Variants in SHISA9 observed in about 807,000 individuals in gnomAD.
SHISA9 encodes the protein shisa family member 9, also known as protein shisa-9.
Under a neutral mutation model 38.0 loss-of-function variants are expected in SHISA9, and 13 were observed. The observed-to-expected ratio is 0.34, with a 90% CI of 0.22 to 0.54. The LOEUF (loss-of-function observed/expected upper bound fraction) is 0.54, where lower values mean the gene tolerates loss of function less well. Ranked by LOEUF, SHISA9 falls within the 20% of genes least tolerant of loss-of-function variation. The pLI is 0.91. For synonymous variants in SHISA9, 275 were observed against 242.0 expected, an observed-to-expected ratio of 1.14 and a Z score of -1.27; for missense variants, 538 against 575.8, an observed-to-expected ratio of 0.93 and a Z score of 0.67.
intron 2 of SHISA9, among the ~76,000 whole-genome samples, chr16:13,042,342 C>G (rs1305033458): frequency 6.6e-6 from 1 of 152,190 alleles, no homozygotes; most frequent in Non-Finnish European, 1.5e-5. Flanking sequence ...TTTGTACCTT[C>G]AGGAGCTAGT....
At chr16:13,382,747 A>C in the SHISA9 span, among the ~76,000 whole-genome samples, 2 of 150,664 alleles carry the variant, frequency 1.3e-5, no homozygotes, top group Non-Finnish European at 2.9e-5. Flanking sequence ...AATCCCAGCT[A>C]CTCGGGAGGC....
At chr16:13,015,907 T>TTTCTTTCTTTCC (rs1401124062) in intron 2 of SHISA9, among the ~76,000 whole-genome samples, 1 of 61,644 alleles carries the variant, frequency 1.6e-5, no homozygotes, top group Non-Finnish European at 4.2e-5. Context: ...TCTTTCTTTC[T>TTTCTTTCTTTCC]TTTCTTTCTT....
intron 2 of SHISA9, among the ~76,000 whole-genome samples, chr16:13,093,477 C>T (rs565728845): frequency 1.2e-3 from 182 of 152,240 alleles, no homozygotes; most frequent in Non-Finnish European, 1.9e-3. Context: ...TGAACACTGG[C>T]TGTCATGGAT....
chr16:13,235,020 C>G lies in SHISA9; in HGVS notation c.896-10C>G. The G allele has an allele frequency of 6.5e-7, 1 of 1,534,240 alleles. No homozygotes were observed. Among genetic ancestry groups the G allele is most frequent in the Non-Finnish European group, 8.8e-7 (1 of 1,135,662 alleles). ...CTTCCCCTTCTTCATCCACCCGTTCCGATGTGTAGCTGACAAGGTCAATGA... is the reference window on the plus strand; with the variant it reads ...CTTCCCCTTCTTCATCCACCCGTTCGGATGTGTAGCTGACAAGGTCAATGA... On this transcript the variant is annotated splice_polypyrimidine_tract_variant and intron_variant, in intron 4 of 4. Coordinates refer to ENST00000558583, the MANE Select transcript of SHISA9 (RefSeq NM_001145204.3).
chr16:13,045,561 C>T (rs956039619), intron 2 of SHISA9, among the ~76,000 whole-genome samples: 7 of 148,572 alleles, frequency 4.7e-5, no homozygotes, highest in East Asian at 2.1e-4. Flanking sequence ...CAATGGTACA[C>T]GGTAAATCTC....
chr16:13,082,585 G>A (rs1201035795), intron 2 of SHISA9: 6 of 152,208 alleles, frequency 3.9e-5, no homozygotes, highest in Non-Finnish European at 2.9e-5. Context: ...TGGGATCAGT[G>A]TCTGGGAGAT....
chr16:13,407,041 C>T, the SHISA9 span, among the ~76,000 whole-genome samples: 1 of 136,838 alleles, frequency 7.3e-6, no homozygotes, highest in African/African-American at 2.9e-5. Flanking sequence ...GCATGCCAGC[C>T]TGGGCAACAA....
At chr16:13,395,646 C>T in the SHISA9 span, among the ~76,000 whole-genome samples, 4 of 152,220 alleles carry the variant, frequency 2.6e-5, no homozygotes, top group Admixed American at 6.5e-5. Flanking sequence ...TTCTGTCTTT[C>T]CTGGTAGACC....
At chr16:13,282,469 G>A in the SHISA9 span, among the ~76,000 whole-genome samples, 6 of 151,946 alleles carry the variant, frequency 3.9e-5, no homozygotes, top group East Asian at 3.9e-4. Context: ...TAGTTCCTGA[G>A]TGTGGTTATA....
At position 12,924,701 on chromosome 16, in the gene SHISA9, G is replaced by A. The variant is rs139312591; in HGVS notation, c.691+7886G>A. ...AATGAGTTTGATTGTTTTAGATCAA[G>A]AAATTGGTTTTTCTCTTGAGGTATG... On this transcript the variant is annotated intron_variant, in intron 2 of 4. Transcript: ENST00000558583. Among the ~76,000 whole-genome samples, 440 of 152,276 alleles carry A rather than the reference G, an allele frequency of 2.9e-3. 2 individuals are homozygous for A. The highest frequency in any genetic ancestry group is 0.01 in the African/African-American group (419 of 41,554).
chr16:13,127,286 GAGAT>G (rs1425206568), intron 2 of SHISA9, among the ~76,000 whole-genome samples: 2 of 139,140 alleles, frequency 1.4e-5, no homozygotes, highest in African/African-American at 5.4e-5. Context: ...GGGAGAGAAA[GAGAT>G]GGAGGGAGAG....
intron 2 of SHISA9, among the ~76,000 whole-genome samples, chr16:13,160,026 A>T (rs966146420): frequency 6.6e-6 from 1 of 152,250 alleles, no homozygotes; most frequent in Admixed American, 6.5e-5. Context: ...AAATAATTCT[A>T]TATTGCTATG....
At chr16:13,379,245 C>G in the SHISA9 span, among the ~76,000 whole-genome samples, 45 of 152,276 alleles carry the variant, frequency 3.0e-4, no homozygotes, top group African/African-American at 1.1e-3. Flanking sequence ...GAGTTCACTC[C>G]AAGTTCACAT....
the SHISA9 span, among the ~76,000 whole-genome samples, chr16:13,274,417 C>G: frequency 6.6e-6 from 1 of 152,078 alleles, no homozygotes; most frequent in Non-Finnish European, 1.5e-5. Context: ...GCTAATACAA[C>G]TCTTGAAAAA....
At chr16:13,554,349 G>A in the SHISA9 span, among the ~76,000 whole-genome samples, 4 of 150,916 alleles carry the variant, frequency 2.7e-5, no homozygotes, top group Admixed American at 1.3e-4. Flanking sequence ...TACAGGGAAG[G>A]GCATGGGGAT....
At chr16:13,523,612 CAA>C in the SHISA9 span, among the ~76,000 whole-genome samples, 3 of 152,148 alleles carry the variant, frequency 2.0e-5, no homozygotes, top group Admixed American at 6.5e-5. Flanking sequence ...CAGGAGCAAA[CAA>C]GAGCGATGGG....
the SHISA9 span, chr16:13,331,284 C>A: frequency 6.6e-6 from 1 of 151,778 alleles, no homozygotes; most frequent in Admixed American, 6.6e-5. Flanking sequence ...TCTGGGGGTT[C>A]CTGAAGGTTA....
the SHISA9 span, among the ~76,000 whole-genome samples, chr16:13,446,743 G>C: frequency 2.6e-5 from 4 of 152,042 alleles, no homozygotes; most frequent in Non-Finnish European, 4.4e-5. Flanking sequence ...TTGGGAGGCC[G>C]AGGCGGGTGG....
the SHISA9 span, among the ~76,000 whole-genome samples, chr16:13,314,307 G>A: frequency 3.7e-3 from 565 of 151,650 alleles, 4 homozygotes; most frequent in African/African-American, 0.013. Flanking sequence ...TCCGCCTCCC[G>A]GGTTCAACCA....
Sources: allele counts gnomAD v4.1 joint callset (sites outside exome capture counted in the v4.1 genomes callset), GRCh38; gene constraint gnomAD v4.1.1; transcripts MANE v1.5; gene names NCBI Gene and HGNC (gene_info 2026-07-23, HGNC 2026-07-21).